DSE: variants seen among roughly 807,000 people sequenced by gnomAD.
DSE encodes dermatan-sulfate epimerase.
In DSE, 36 loss-of-function variants were observed where a neutral mutation model predicts 84.4. That is an observed-to-expected ratio of 0.43 (90% confidence interval 0.33 to 0.56). DSE has a LOEUF of 0.56. Ranked by LOEUF, DSE falls within the 20% of genes least tolerant of loss-of-function variation. The probability of loss-of-function intolerance (pLI) is 0.06; values close to 1 mark genes in which losing one functional copy is unlikely to be tolerated. For synonymous variants in DSE, 410 were observed against 430.1 expected (o/e 0.95, Z 0.58); for missense variants, 862 against 1,169.6 (o/e 0.74, Z 3.84).
intron 1 of DSE, among the ~76,000 whole-genome samples, chr6:116,379,363 A>G (rs1780096357): frequency 6.6e-6 from 1 of 152,180 alleles, no homozygotes; most frequent in Non-Finnish European, 1.5e-5. Flanking sequence ...TACCTTTCTC[A>G]AAAGAAACTG....
intron 2 of DSE, among the ~76,000 whole-genome samples, chr6:116,361,320 A>C (rs1248236041): frequency 6.6e-6 from 1 of 152,108 alleles, no homozygotes; most frequent in African/African-American, 2.4e-5. Context: ...CAGCCTCCCA[A>C]AGTGCTGGGA....
chr6:116,367,555 C>T (rs1390085830), upstream of DSE, among the ~76,000 whole-genome samples: 2 of 152,068 alleles, frequency 1.3e-5, no homozygotes, highest in Non-Finnish European at 2.9e-5. Context: ...ACGACAACAA[C>T]AAAAAATAAC....
chr6:116,408,195 C>G (rs887167986), intron 2 of DSE, among the ~76,000 whole-genome samples: 2 of 152,182 alleles, frequency 1.3e-5, no homozygotes, highest in African/African-American at 4.8e-5. Context: ...CTTCTAGATT[C>G]GGCTCCAAAG....
At chr6:116,391,037 G>A (rs1780870623) in intron 1 of DSE, among the ~76,000 whole-genome samples, 2 of 152,104 alleles carry the variant, frequency 1.3e-5, no homozygotes, top group African/African-American at 4.8e-5. Context: ...GATGGGGGAG[G>A]AACCCTTCAG....
rs535546265 is a variant in DSE at position 116,292,415 on chromosome 6, G to A, written c.-54+33448G>A. On this transcript the variant is annotated intron_variant, in intron 2 of 3. Coordinates refer to the DSE transcript ENST00000430252. ...AATTGGGCGGCAGCTATACAGCATG[G>A]GTGTCTTTAGTGAGAGCAATTTCAG... 5.9e-5 allele frequency among the ~76,000 whole-genome samples: 9 copies of A among 152,230 alleles called. No homozygotes were observed. The South Asian group carries it at 1.9e-3, about 32-fold the overall frequency.
intron 2 of DSE, among the ~76,000 whole-genome samples, chr6:116,345,467 C>T (rs929182189): frequency 3.9e-5 from 6 of 152,206 alleles, no homozygotes; most frequent in African/African-American, 1.2e-4. Context: ...AAGAAACTCA[C>T]TTAAAACTGC....
chr6:116,378,796 T>G (rs1780069223), intron 1 of DSE, among the ~76,000 whole-genome samples: 1 of 151,902 alleles, frequency 6.6e-6, no homozygotes, highest in Non-Finnish European at 1.5e-5. Context: ...GATAACCTTG[T>G]TTTTTTTAAG....
chr6:116,279,949 T>C (rs1582931071), intron 2 of DSE: 3 of 1,438,918 alleles, frequency 2.1e-6, no homozygotes, highest in Non-Finnish European at 2.9e-6. Context: ...AGCGGCGGTG[T>C]CGTCAGGACT....
intron 2 of DSE, among the ~76,000 whole-genome samples, chr6:116,414,240 C>A (rs188354000): frequency 3.3e-4 from 51 of 152,256 alleles, no homozygotes; most frequent in African/African-American, 9.9e-4. Context: ...GAAGGAGAGA[C>A]CATCCTAAGC....
intron 1 of DSE, among the ~76,000 whole-genome samples, chr6:116,394,403 C>A (rs1781110110): frequency 6.6e-6 from 1 of 151,868 alleles, no homozygotes; most frequent in South Asian, 2.1e-4. Flanking sequence ...GAGAGATGAT[C>A]AAATTGCTAT....
At chr6:116,299,521 T>C (rs372923416) in intron 2 of DSE, among the ~76,000 whole-genome samples, 1 of 27,948 alleles carries the variant, frequency 3.6e-5, no homozygotes, top group African/African-American at 3.1e-4. Context: ...TATATATATA[T>C]ATATATATAT....
Position 116,323,481 on chromosome 6 carries a change from A to G in DSE, c.-54+64514A>G, listed in dbSNP as rs181820454. Among the ~76,000 whole-genome samples the G allele has an allele frequency of 1.3e-4, 20 of 152,326 alleles. No individual in the cohort carries two copies. In the East Asian group the frequency reaches 3.9e-3, roughly 29 times the overall value. On this transcript the variant is annotated intron_variant, in intron 2 of 3. Coordinates refer to the DSE transcript ENST00000430252. Reference sequence around the variant, plus strand: ...GGCAGATAATAATTACTTCTTGGACATTCGTTTAGCAGCCAGGTGCTATAG... The same window carrying G: ...GGCAGATAATAATTACTTCTTGGACGTTCGTTTAGCAGCCAGGTGCTATAG...
At chr6:116,279,911 G>T in intron 2 of DSE, 1 of 1,578,506 alleles carries the variant, frequency 6.3e-7, no homozygotes. Context: ...CGCTCGCACC[G>T]CCCACCCTAC....
At chr6:116,381,499 T>C (rs1041899924) in intron 1 of DSE, among the ~76,000 whole-genome samples, 1 of 152,154 alleles carries the variant, frequency 6.6e-6, no homozygotes, top group African/African-American at 2.4e-5. Context: ...GGTAATTTGA[T>C]CAGACTGCCT....
At chr6:116,423,499 G>A (rs1783228039) in intron 2 of DSE, among the ~76,000 whole-genome samples, 2 of 152,174 alleles carry the variant, frequency 1.3e-5, no homozygotes, top group Non-Finnish European at 2.9e-5. Context: ...CAGAGAATAG[G>A]TTTTGGCTCA....
At chr6:116,314,776 G>C (rs1312994653) in intron 2 of DSE, among the ~76,000 whole-genome samples, 1 of 152,206 alleles carries the variant, frequency 6.6e-6, no homozygotes, top group Non-Finnish European at 1.5e-5. Context: ...GTGGAGACCA[G>C]TAGATAACCC....
chr6:116,378,256 T>C (rs1780039721), intron 1 of DSE, among the ~76,000 whole-genome samples: 4 of 152,208 alleles, frequency 2.6e-5, no homozygotes, highest in Admixed American at 2.6e-4. Context: ...AAAAAGGCCT[T>C]TGAATTCTTT....
At chr6:116,336,686 C>T (rs1159189957) in intron 2 of DSE, among the ~76,000 whole-genome samples, 1 of 149,198 alleles carries the variant, frequency 6.7e-6, no homozygotes, top group Non-Finnish European at 1.5e-5. Flanking sequence ...ACCTGGGAGG[C>T]GGAGGTTGCA....
At chr6:116,324,240 G>C (rs1309124287) in intron 2 of DSE, among the ~76,000 whole-genome samples, 1 of 152,176 alleles carries the variant, frequency 6.6e-6, no homozygotes, top group African/African-American at 2.4e-5. Context: ...TACTTCATCA[G>C]CTTGCCATTG....
Sources: gnomAD v4.1 joint callset for allele counts (sites outside exome capture counted in the v4.1 genomes callset) on GRCh38, gnomAD v4.1.1 for gene constraint, MANE v1.5 for transcripts, NCBI Gene and HGNC (gene_info 2026-07-23, HGNC 2026-07-21) for gene names.